The following ADARB1 variants were observed in gnomAD, a reference collection of about 807,000 sequenced individuals.
ADARB1 encodes the protein adenosine deaminase RNA specific B1.
In ADARB1, 10 loss-of-function variants were observed where a neutral mutation model predicts 52.4. The ratio of observed to expected loss-of-function variants is 0.19; its 90% CI spans 0.12 to 0.32. The LOEUF (loss-of-function observed/expected upper bound fraction) is 0.32, where lower values mean the gene tolerates loss of function less well. ADARB1 is among the 10% of genes least tolerant of loss of function. The pLI, the probability that ADARB1 is intolerant of heterozygous loss-of-function variation, is 1.00. For missense variants in ADARB1, 643 were observed against 922.3 expected (o/e 0.70, Z 3.92); for synonymous variants, 349 against 371.1 (o/e 0.94, Z 0.68).
intron 5 of ADARB1, among the ~76,000 whole-genome samples, chr21:45,181,727 G>T (rs1053039159): frequency 6.6e-6 from 1 of 152,218 alleles, no homozygotes; most frequent in African/African-American, 2.4e-5. Flanking sequence ...AAGCCAGGAC[G>T]CTGGAGCACT....
rs148393108 is a variant in ADARB1 at position 45,134,532 on chromosome 21, A to G, written c.-48+5959A>G. 7.0e-3 allele frequency among the ~76,000 whole-genome samples: 1,066 copies of G among 151,914 alleles called. 9 individuals are homozygous for G. The highest frequency in any genetic ancestry group is 0.014 in the Middle Eastern group (4 of 294). Reference sequence around the variant, plus strand: ...TGCCTGACGTGTGTGTGTGTCTGACATGGGTGTGTGCACCTGGCAGAGGTG... The same window carrying G: ...TGCCTGACGTGTGTGTGTGTCTGACGTGGGTGTGTGCACCTGGCAGAGGTG... On this transcript the variant is annotated intron_variant, in intron 2 of 10. Transcript: ENST00000348831.
intron 2 of ADARB1, among the ~76,000 whole-genome samples, chr21:45,163,732 G>A (rs559944544): frequency 6.6e-6 from 1 of 152,314 alleles, no homozygotes; most frequent in South Asian, 2.1e-4. Context: ...GGGTGTGGAC[G>A]GTGTGCTCCC....
At chr21:45,194,767 A>AT (rs1001763911) in intron 8 of ADARB1, among the ~76,000 whole-genome samples, 1 of 151,744 alleles carries the variant, frequency 6.6e-6, no homozygotes, top group Non-Finnish European at 1.5e-5. Context: ...TTGATAGCTC[A>AT]TTTTTTTTAA....
chr21:45,181,448 C>G (rs1226348020), intron 5 of ADARB1: 1 of 152,292 alleles, frequency 6.6e-6, no homozygotes, highest in South Asian at 2.1e-4. Flanking sequence ...TTTTACCTCT[C>G]TCCTTACTGC....
intron 2 of ADARB1, among the ~76,000 whole-genome samples, chr21:45,144,019 T>C (rs2089884331): frequency 6.6e-6 from 1 of 152,232 alleles, no homozygotes; most frequent in Admixed American, 6.5e-5. Context: ...CACTGATGTA[T>C]CTCAGGCATT....
In ADARB1 at chr21:45,222,215, G is replaced by T. The variant is rs778603815; in HGVS notation, c.*18G>T. 9.1e-6 allele frequency: 14 copies of T among 1,535,740 alleles called. No homozygotes were observed. In the South Asian group the frequency reaches 1.8e-4, roughly 20 times the overall value. On this transcript the variant is annotated 3_prime_UTR_variant, in exon 11 of 11. Transcript: ENST00000348831. ...CGCCCTGACCCGGGCAGACATGATG[G>T]GGGGTGCAGGGGGCTGTGGGCATCC...
At chr21:45,136,005 C>T (rs1428151268) in intron 2 of ADARB1, among the ~76,000 whole-genome samples, 1 of 152,176 alleles carries the variant, frequency 6.6e-6, no homozygotes, top group Non-Finnish European at 1.5e-5. Context: ...AGCATCAGAG[C>T]AGGGACACAA....
At chr21:45,084,543 C>G (rs1383323313) in intron 1 of ADARB1, among the ~76,000 whole-genome samples, 4 of 152,204 alleles carry the variant, frequency 2.6e-5, no homozygotes, top group Non-Finnish European at 5.9e-5. Context: ...TTTCCTCAGT[C>G]TTAGGGGGAC....
At chr21:45,148,827 T>G (rs1347410662) in intron 2 of ADARB1, among the ~76,000 whole-genome samples, 1 of 152,152 alleles carries the variant, frequency 6.6e-6, no homozygotes, top group African/African-American at 2.4e-5. Flanking sequence ...TCTGCATCAT[T>G]TCTTCTCCCC....
intron 4 of ADARB1, 70 bp from the exon 5 acceptor site, chr21:45,180,260 A>G: frequency 9.2e-7 from 1 of 1,090,074 alleles, no homozygotes; most frequent in Non-Finnish European, 1.4e-6. Flanking sequence ...GAGTGCGTGC[A>G]GCATTGAGAG....
chr21:45,196,962 C>G (rs1460608106), intron 8 of ADARB1, among the ~76,000 whole-genome samples: 1 of 152,156 alleles, frequency 6.6e-6, no homozygotes, highest in East Asian at 1.9e-4. Flanking sequence ...TGGGCCAAGG[C>G]AGATGGATCG....
chr21:45,210,727 C>G (rs1329522356), intron 9 of ADARB1, among the ~76,000 whole-genome samples: 1 of 152,264 alleles, frequency 6.6e-6, no homozygotes, highest in African/African-American at 2.4e-5. Context: ...ACAGCTTGAA[C>G]CCACATCCCA....
chr21:45,080,232 A>G (rs1032838085), intron 1 of ADARB1, among the ~76,000 whole-genome samples: 3 of 152,136 alleles, frequency 2.0e-5, no homozygotes, highest in African/African-American at 7.2e-5. Context: ...TGGTGGCTGG[A>G]GGGGACATGG....
intron 8 of ADARB1, among the ~76,000 whole-genome samples, chr21:45,185,646 A>ATC (rs2092079051): frequency 6.6e-6 from 1 of 152,208 alleles, no homozygotes; most frequent in South Asian, 2.1e-4. Flanking sequence ...GGAGATATTC[A>ATC]TCTTTCAGAG....
At chr21:45,086,101 G>A (rs2086332619) in intron 1 of ADARB1, among the ~76,000 whole-genome samples, 1 of 152,204 alleles carries the variant, frequency 6.6e-6, no homozygotes, top group Non-Finnish European at 1.5e-5. Context: ...GACACTGCTT[G>A]CTATGTGTGA....
chr21:45,163,115 T>C (rs1331667612), intron 2 of ADARB1, among the ~76,000 whole-genome samples: 1 of 152,262 alleles, frequency 6.6e-6, no homozygotes, highest in Non-Finnish European at 1.5e-5. Context: ...AATAGCTGCC[T>C]GGGAAAACAG....
chr21:45,111,522 A>G (rs554842620), intron 1 of ADARB1, among the ~76,000 whole-genome samples: 19 of 152,250 alleles, frequency 1.2e-4, no homozygotes, highest in African/African-American at 1.7e-4. Context: ...TGGACGTTCT[A>G]TGGGTTTGTA....
Position 45,082,711 on chromosome 21 carries a change from A to G in ADARB1, c.-220+7918A>G, listed in dbSNP as rs117826324. ...GGTAAAGTGAGTTTAATCTAGTTTA[A>G]TCCTCATGATGATCTTAGGATGTTG... On this transcript the variant is annotated intron_variant, in intron 1 of 10. Coordinates refer to ENST00000348831, the MANE Select transcript of ADARB1 (RefSeq NM_001112.4). Among the ~76,000 whole-genome samples, 480 of 152,254 alleles carry G rather than the reference A, an allele frequency of 3.2e-3. 4 individuals carry two copies. Among genetic ancestry groups the G allele is most frequent in the Middle Eastern group, 0.014 (4 of 294 alleles).
rs1360701995 is a variant in ADARB1, at chr21:45,220,658, G to A, written c.1748-178G>A. On this transcript the variant is annotated intron_variant, in intron 9 of 10. Transcript: ENST00000348831. This position sits in a 1 kb window ranked among gnomAD's most constrained non-coding sequence, Gnocchi z 6.3. ...CTCCTATTCTGGTGGCCGTGGAAGA[G>A]TGTGAGGCCACTGCCACGGCAGATG... 6.6e-6 allele frequency among the ~76,000 whole-genome samples: 1 copy of A among 152,246 alleles called. No individual in the cohort carries two copies. Among genetic ancestry groups the A allele is most frequent in the Non-Finnish European group, 1.5e-5 (1 of 68,034 alleles).
Sources: gnomAD v4.1 joint callset for allele counts (sites outside exome capture counted in the v4.1 genomes callset) on GRCh38, gnomAD v4.1.1 for gene constraint, Gnocchi (gnomAD v3.1) non-coding constraint, MANE v1.5 for transcripts, NCBI Gene and HGNC (gene_info 2026-07-23, HGNC 2026-07-21) for gene names.